NAT10: variants seen among roughly 807,000 people sequenced by gnomAD.
The protein encoded by NAT10 is N-acetyltransferase 10.
A neutral mutation model predicts 132.2 loss-of-function variants in NAT10; 109 were observed. That is an observed-to-expected ratio of 0.82 (90% CI 0.71 to 0.97). The LOEUF (loss-of-function observed/expected upper bound fraction) is 0.97. Ranked by LOEUF, NAT10 falls within the 50% of genes least tolerant of loss-of-function variation. NAT10 has a pLI of 0.00. For synonymous variants in NAT10, 479 were observed against 478.0 expected (o/e 1.00, Z -0.03); for missense variants, 1,184 against 1,263.4 (o/e 0.94, Z 0.95).
intron 28 of NAT10, 143 bp from the exon 29 acceptor site, chr11:34,145,941 A>C (rs1852431588): frequency 2.0e-5 from 12 of 601,440 alleles, no homozygotes; most frequent in South Asian, 1.0e-4. Context: ...AGGTTTGCAG[A>C]GAACATTAAT....
At chr11:34,115,961 T>C in intron 6 of NAT10, 77 bp downstream of exon 6, 1 of 1,474,576 alleles carries the variant, frequency 6.8e-7, no homozygotes. Context: ...AACTGAAAAC[T>C]TTGCTTTTAT....
Position 34,134,359 on chromosome 11 carries a change from A to G in NAT10, c.1775A>G (p.Asn592Ser), listed in dbSNP as rs779223798. 9 of 1,614,088 alleles carry G rather than the reference A, an allele frequency of 5.6e-6. No individual in the cohort carries two copies. In the African/African-American group the frequency reaches 9.3e-5, roughly 17 times the overall value. The change falls in exon 17 of 29, where the codon AAC becomes AGC. Residue 592 changes from asparagine (N) to serine (S), a missense_variant. Transcript: ENST00000257829. ...EGEISRQSILNSLSRGKKASG... is the reference protein window; with the variant it reads ...EGEISRQSILSSLSRGKKASG... ...GAGATTTCTCGCCAGTCCATCTTGA[A>G]CAGTCTGTCTCGAGGCAAGAAGGCT...
chr11:34,121,469 G>A (rs1269380860), intron 8 of NAT10, among the ~76,000 whole-genome samples: 1 of 152,128 alleles, frequency 6.6e-6, no homozygotes. Flanking sequence ...AAGACTAGGT[G>A]GAGGAGGTTT....
At position 34,146,073 on chromosome 11, in the gene NAT10, T is replaced by G; in HGVS notation, c.2970-11T>G. The G allele has an allele frequency of 6.4e-7, 1 of 1,570,218 alleles. No homozygotes were observed. Among genetic ancestry groups the G allele is most frequent in the African/African-American group, 1.4e-5 (1 of 73,320 alleles). On this transcript the variant is annotated splice_polypyrimidine_tract_variant and intron_variant, in intron 28 of 28. Transcript: ENST00000257829. The stretch of plus-strand genomic sequence containing the variant: ...CATATTTCATTCTTTCTATTTTTGA[T>G]TTTTCTCTAGTGACAAGAAAAGGAA...
intron 3 of NAT10, among the ~76,000 whole-genome samples, chr11:34,109,155 C>T (rs1357917267): frequency 6.6e-6 from 1 of 152,112 alleles, no homozygotes; most frequent in East Asian, 1.9e-4. Flanking sequence ...CACTCTCTCT[C>T]TTTTTCTCCC....
chr11:34,132,054 C>A, intron 14 of NAT10, 71 bp from the exon 15 acceptor site: 1 of 1,144,324 alleles, frequency 8.7e-7, no homozygotes, highest in Non-Finnish European at 1.3e-6. Flanking sequence ...GAAATTTGTT[C>A]TGCCTCCAGA....
chr11:34,134,699 A>T lies in NAT10; in HGVS notation c.1911+113A>T, dbSNP rs1200596979. On this transcript the variant is annotated intron_variant, in intron 18 of 28. Transcript: ENST00000257829. ...AAGCAGAAGCAAGTGAAGTGTAGGCACTTCCCTGCTCTGGAGAATTGAGCC... is the reference window on the plus strand; with the variant it reads ...AAGCAGAAGCAAGTGAAGTGTAGGCTCTTCCCTGCTCTGGAGAATTGAGCC... 6 of 885,496 alleles carry T rather than the reference A, an allele frequency of 6.8e-6. No individual in the cohort carries two copies. In the East Asian group the frequency reaches 1.7e-4, roughly 25 times the overall value. 54.9% of individuals were successfully genotyped at this position (885,496 alleles called of 1,614,324 possible). A position where few individuals can be genotyped will look rare whatever the true frequency, so the allele number is the denominator to read the frequency against.
chr11:34,114,315 T>G (rs1851747759), intron 5 of NAT10, among the ~76,000 whole-genome samples: 1 of 152,200 alleles, frequency 6.6e-6, no homozygotes, highest in African/African-American at 2.4e-5. Context: ...AGACACTGAC[T>G]GAGGACATGG....
At chr11:34,135,364 A>G in intron 19 of NAT10, 73 bp downstream of exon 19, 1 of 1,251,266 alleles carries the variant, frequency 8.0e-7, no homozygotes, top group Non-Finnish European at 1.2e-6. Flanking sequence ...TAGGGGCATC[A>G]ACAAAAACCA....
At chr11:34,137,106 A>T in intron 21 of NAT10, 80 bp downstream of exon 21, 2 of 1,468,812 alleles carry the variant, frequency 1.4e-6, no homozygotes, top group Non-Finnish European at 1.9e-6. Context: ...AAAGAGCCCT[A>T]GTGCCTCCCT....
Position 34,113,636 on chromosome 11 carries a change from CAAAAAAAAA to C in NAT10, c.373-64_373-56del, listed in dbSNP as rs34445882. ...TGGGCGACAGAGCAAGACTCCATCT[CAAAAAAAAA>C]AAAAAAAAAAAAAAAGTCCTTTGGG... On this transcript the variant is annotated intron_variant, in intron 4 of 28. Transcript: ENST00000257829. 17 of 906,216 alleles carry C rather than the reference CAAAAAAAAA, an allele frequency of 1.9e-5. No individual in the cohort carries two copies. The East Asian group carries it at 6.9e-4, about 37-fold the overall frequency. 56.1% of individuals were successfully genotyped at this position (906,216 alleles called of 1,614,324 possible).
At chr11:34,140,793 C>A (rs1418987246) in intron 24 of NAT10, among the ~76,000 whole-genome samples, 4 of 152,142 alleles carry the variant, frequency 2.6e-5, no homozygotes, top group Admixed American at 1.3e-4. Context: ...GCTTCCACCC[C>A]ACTACGTTGC....
intron 28 of NAT10, 45 bp downstream of exon 28, chr11:34,143,573 T>C: frequency 1.3e-6 from 2 of 1,530,190 alleles, no homozygotes; most frequent in Non-Finnish European, 1.8e-6. Flanking sequence ...AGAGGCATTC[T>C]GGCCTCTCTG....
chr11:34,127,545 T>A lies in NAT10; in HGVS notation c.1190T>A (p.Leu397Ter), dbSNP rs774913808. 1 of 1,614,156 alleles carries A rather than the reference T, an allele frequency of 6.2e-7. No individual in the cohort carries two copies. Among genetic ancestry groups the A allele is most frequent in the Non-Finnish European group, 8.5e-7 (1 of 1,179,992 alleles). Reference protein sequence around the residue: ...IDEAAAIPLPLVKSLLGPYLV... With the variant: ...IDEAAAIPLP Reference sequence around the variant, plus strand: ...GAAGCTGCCGCCATCCCCCTCCCCTTGGTGAAGAGCCTACTTGGCCCCTAC... The same window carrying A: ...GAAGCTGCCGCCATCCCCCTCCCCTAGGTGAAGAGCCTACTTGGCCCCTAC... Residue 397 changes from leucine (L) to a stop codon, truncating the protein, a stop_gained, in exon 12 of 29, where the codon TTG becomes TAG. Coordinates refer to ENST00000257829, the MANE Select transcript of NAT10 (RefSeq NM_024662.3). LOFTEE classifies it high-confidence loss of function.
chr11:34,123,978 T>G (rs922548002), intron 10 of NAT10, 123 bp downstream of exon 10: 3 of 707,068 alleles, frequency 4.2e-6, no homozygotes, highest in Non-Finnish European at 7.2e-6. Flanking sequence ...GAGACCAGCC[T>G]GACCAACATA....
chr11:34,141,615 T>TCAAAATGCA, intron 25 of NAT10, 104 bp from the exon 26 acceptor site: 1 of 1,002,042 alleles, frequency 1.0e-6, no homozygotes, highest in South Asian at 1.5e-5. Flanking sequence ...CTTTGTGTCT[T>TCAAAATGCA]CAAAATGCAC....
chr11:34,113,986 G>A, intron 5 of NAT10, 148 bp downstream of exon 5: 2 of 960,862 alleles, frequency 2.1e-6, no homozygotes, highest in Non-Finnish European at 2.9e-6. Context: ...TTTAACTAAT[G>A]AAAAAGTCAC....
At chr11:34,108,883 T>C in intron 3 of NAT10, 50 bp downstream of exon 3, 2 of 1,502,782 alleles carry the variant, frequency 1.3e-6, no homozygotes, top group Non-Finnish European at 1.8e-6. Flanking sequence ...TCCTGCTCAT[T>C]AGTTAAATGC....
intron 8 of NAT10, among the ~76,000 whole-genome samples, chr11:34,121,858 C>CAAAAA (rs34304264): frequency 5.4e-5 from 2 of 36,832 alleles, no homozygotes; most frequent in African/African-American, 2.2e-4. Flanking sequence ...GACTCTGTCT[C>CAAAAA]AAAAAAAAAA....
Sources: gnomAD v4.1 joint callset for allele counts (sites outside exome capture counted in the v4.1 genomes callset) on GRCh38, gnomAD v4.1.1 for gene constraint, MANE v1.5 for transcripts, NCBI Gene and HGNC (gene_info 2026-07-23, HGNC 2026-07-21) for gene names.